ELL2: variants seen among roughly 807,000 people sequenced by gnomAD.
The protein encoded by ELL2 is RNA polymerase II elongation factor ELL2.
In ELL2, 21 loss-of-function variants were observed where a neutral mutation model predicts 72.8. That is an observed-to-expected ratio of 0.29 (90% CI 0.20 to 0.42). The LOEUF is 0.42. Among genes scored for constraint, ELL2 ranks in the 10% least tolerant of loss-of-function variants. The pLI, the probability that ELL2 is intolerant of heterozygous loss-of-function variation, is 1.00. For synonymous variants in ELL2, 266 were observed against 283.2 expected, an observed-to-expected ratio of 0.94 and a Z score of 0.61; for missense variants, 568 against 772.8, an observed-to-expected ratio of 0.73 and a Z score of 3.14.
chr5:95,905,925 C>A (rs1189422457), intron 5 of ELL2, among the ~76,000 whole-genome samples: 1 of 152,032 alleles, frequency 6.6e-6, no homozygotes, highest in Non-Finnish European at 1.5e-5. Context: ...GTCTAACAAA[C>A]CACTGACTTT....
chr5:95,889,161 GAAC>G (rs1256624876), intron 10 of ELL2, 31 bp from the exon 11 acceptor site: 1 of 1,532,752 alleles, frequency 6.5e-7, no homozygotes, highest in Admixed American at 1.8e-5. Flanking sequence ...AATCAGAAGA[GAAC>G]AACTTCTTTT....
At chr5:95,928,533 C>T (rs1750477856) in intron 2 of ELL2, among the ~76,000 whole-genome samples, 1 of 152,194 alleles carries the variant, frequency 6.6e-6, no homozygotes, top group Non-Finnish European at 1.5e-5. Flanking sequence ...AGATTACTGG[C>T]ATCCTGATGA....
At position 95,927,396 on chromosome 5, in the gene ELL2, G is replaced by C. The variant is rs546905115; in HGVS notation, c.196-7851C>G. Reference sequence around the variant, plus strand: ...ACACACACACACGTGTGTATATATAGACATACACACACGTGTGTATATAGA... The same window carrying C: ...ACACACACACACGTGTGTATATATACACATACACACACGTGTGTATATAGA... On this transcript the variant is annotated intron_variant, in intron 2 of 11. Coordinates refer to ENST00000237853, the MANE Select transcript of ELL2 (RefSeq NM_012081.6). Among the ~76,000 whole-genome samples, 671 of 29,304 alleles carry C rather than the reference G, an allele frequency of 0.023. 99 individuals carry two copies. The East Asian group carries it at 0.37, about 16-fold the overall frequency. The allele number at this position is 29,304 out of a possible 152,430, so 19.2% of individuals were successfully genotyped here. A position where few individuals can be genotyped will look rare whatever the true frequency, so the allele number is the denominator to read the frequency against.
chr5:95,937,761 A>C (rs1188477527), intron 2 of ELL2, among the ~76,000 whole-genome samples: 3 of 152,196 alleles, frequency 2.0e-5, no homozygotes, highest in African/African-American at 7.2e-5. Flanking sequence ...CTCAGAGCCA[A>C]GAGTATCAAG....
intron 1 of ELL2, among the ~76,000 whole-genome samples, chr5:95,955,704 G>A (rs1751603409): frequency 1.3e-5 from 2 of 152,160 alleles, no homozygotes; most frequent in African/African-American, 2.4e-5. Context: ...ATGGAGCTGA[G>A]GTATGCAGGA....
chr5:95,909,280 T>C lies in ELL2; in HGVS notation c.482-2498A>G, dbSNP rs553161592. 6.6e-5 allele frequency among the ~76,000 whole-genome samples: 10 copies of C among 152,270 alleles called. 1 individual carries two copies. In the South Asian group the frequency reaches 2.1e-3, roughly 32 times the overall value. On this transcript the variant is annotated intron_variant, in intron 4 of 11. Transcript: ENST00000237853. Reference sequence around the variant, plus strand: ...CATGAATCCCCTACCCCCAAAACACTCACTTTGTCCTTTACCTCATTTTTC... The same window carrying C: ...CATGAATCCCCTACCCCCAAAACACCCACTTTGTCCTTTACCTCATTTTTC...
At chr5:95,932,788 T>C (rs1315136368) in intron 2 of ELL2, 2 of 152,066 alleles carry the variant, frequency 1.3e-5, no homozygotes, top group Non-Finnish European at 2.9e-5. Flanking sequence ...AATGTCAAAA[T>C]AGCAAAATAC....
At chr5:95,951,269 T>C (rs1160208689) in intron 1 of ELL2, among the ~76,000 whole-genome samples, 1 of 151,916 alleles carries the variant, frequency 6.6e-6, no homozygotes, top group Non-Finnish European at 1.5e-5. Flanking sequence ...CTTGGGAGGC[T>C]GAGGCAGGAG....
In ELL2 at chr5:95,919,551, A is replaced by T; in HGVS notation, c.196-6T>A. 1.9e-6 allele frequency: 3 copies of T among 1,556,948 alleles called. No individual in the cohort carries two copies. The South Asian group carries it at 3.7e-5, about 19-fold the overall frequency. ...TTTTTGGGAATTTTGACAAGCTAAAATGAGGGGAAAAGAGAGAAACGCCTC... is the reference window on the plus strand; with the variant it reads ...TTTTTGGGAATTTTGACAAGCTAAATTGAGGGGAAAAGAGAGAAACGCCTC... On this transcript the variant is annotated splice_polypyrimidine_tract_variant and splice_region_variant and intron_variant, in intron 2 of 11. Transcript: ENST00000237853.
intron 4 of ELL2, 69 bp downstream of exon 4, chr5:95,913,702 G>A: frequency 7.1e-7 from 1 of 1,407,680 alleles, no homozygotes; most frequent in East Asian, 2.7e-5. Flanking sequence ...AATATTACTG[G>A]TATTTACCTA....
intron 2 of ELL2, among the ~76,000 whole-genome samples, chr5:95,937,942 A>G (rs1401489167): frequency 6.6e-6 from 1 of 152,184 alleles, no homozygotes; most frequent in African/African-American, 2.4e-5. Flanking sequence ...GTGTATTTCA[A>G]GCTGATAGCT....
At chr5:95,907,575 C>T (rs953354329) in intron 4 of ELL2, among the ~76,000 whole-genome samples, 1 of 151,960 alleles carries the variant, frequency 6.6e-6, no homozygotes, top group Non-Finnish European at 1.5e-5. Flanking sequence ...TGAGGTGAAC[C>T]GGGCATTATG....
intron 4 of ELL2, among the ~76,000 whole-genome samples, chr5:95,911,062 C>T (rs1430137534): frequency 2.0e-5 from 3 of 152,098 alleles, no homozygotes; most frequent in Non-Finnish European, 1.5e-5. Context: ...AGCAGGCACT[C>T]AATAAGTGCT....
At position 95,900,748 on chromosome 5, in the gene ELL2, G is replaced by C; in HGVS notation, c.899C>G (p.Thr300Ser). 6.2e-7 allele frequency: 1 copy of C among 1,609,814 alleles called. No homozygotes were observed. Among genetic ancestry groups the C allele is most frequent in the Middle Eastern group, 1.7e-4 (1 of 6,024 alleles). Residue 300 changes from threonine (T) to serine (S), a missense_variant, in exon 7 of 12, where the codon ACC (threonine) becomes AGC (serine). By Grantham distance (58) the Thr-to-Ser change is moderately conservative. Coordinates refer to ENST00000237853, the MANE Select transcript of ELL2 (RefSeq NM_012081.6). ...KLNPSQNAAG[T>S]SRSESPVCSS... is the part of the protein sequence containing the mutation. ...ACATACAGGAGATTCTGAACGGCTG[G>C]TGCCTGCAGCATTCTGAGACGGATT...
chr5:95,939,965 A>T (rs1484713340), intron 2 of ELL2, among the ~76,000 whole-genome samples: 1 of 152,172 alleles, frequency 6.6e-6, no homozygotes, highest in Non-Finnish European at 1.5e-5. Context: ...TTTAGTTGTA[A>T]GTATCTTAGG....
chr5:95,933,068 TCAAA>T lies in ELL2; in HGVS notation c.195+9930_195+9933del, dbSNP rs57355764. On this transcript the variant is annotated intron_variant, in intron 2 of 11. Transcript: ENST00000237853. ...GATTATAATCAAACAAATCACGCTG[TCAAA>T]CAGTTTTTAGACATTATCAAATGAT... Among the ~76,000 whole-genome samples, 503 of 152,324 alleles carry T rather than the reference TCAAA, an allele frequency of 3.3e-3. 2 individuals are homozygous for T. Among genetic ancestry groups the T allele is most frequent in the African/African-American group, 0.012 (480 of 41,568 alleles).
At chr5:95,931,034 A>G (rs1750579922) in intron 2 of ELL2, among the ~76,000 whole-genome samples, 1 of 151,728 alleles carries the variant, frequency 6.6e-6, no homozygotes, top group Non-Finnish European at 1.5e-5. Flanking sequence ...TTGCACTTCC[A>G]GTTCCAAGTT....
At position 95,948,302 on chromosome 5, in the gene ELL2, C is replaced by T. The variant is rs538666015; in HGVS notation, c.148-5253G>A. On this transcript the variant is annotated intron_variant, in intron 1 of 11. Coordinates refer to ENST00000237853, the MANE Select transcript of ELL2 (RefSeq NM_012081.6). ...AAAAATTAGCCGGGTGTGGTGTGGG[C>T]ACCTGTAATCGCAGCTACTCGGGAG... Among the ~76,000 whole-genome samples the T allele has an allele frequency of 4.6e-5, 7 of 151,976 alleles. No individual in the cohort carries two copies. The South Asian group carries it at 1.5e-3, about 32-fold the overall frequency.
Position 95,943,032 on chromosome 5 carries a change from T to C in ELL2, c.165A>G (p.Arg55=). The C allele has an allele frequency of 6.2e-7, 1 of 1,602,678 alleles. No individual in the cohort carries two copies. Among genetic ancestry groups the C allele is most frequent in the Non-Finnish European group, 8.5e-7 (1 of 1,174,466 alleles). The part of the protein sequence containing the change: ...YQSHKNLIPF[R]PSIQFQGLHG... ...GGAGTCCTTGGAACTGGATTGAAGGTCGAAAAGGAATTAAATTCTATTAAA... is the reference window on the plus strand; with the variant it reads ...GGAGTCCTTGGAACTGGATTGAAGGCCGAAAAGGAATTAAATTCTATTAAA... Residue 55 remains arginine (R), a synonymous_variant, in exon 2 of 12, where the codon CGA becomes CGG. Transcript: ENST00000237853.
Sources: allele counts gnomAD v4.1 joint callset (sites outside exome capture counted in the v4.1 genomes callset), GRCh38; gene constraint gnomAD v4.1.1; transcripts MANE v1.5; gene names NCBI Gene and HGNC (gene_info 2026-07-23, HGNC 2026-07-21).